The following STYXL1 variants were observed in gnomAD, a reference collection of about 807,000 sequenced individuals.
The protein encoded by STYXL1 is serine/threonine/tyrosine-interacting-like protein 1.
STYXL1 carries 32 observed loss-of-function variants against 36.4 expected under a neutral mutation model. That is an observed-to-expected ratio of 0.88 (90% CI 0.66 to 1.18). STYXL1 has a LOEUF of 1.18. STYXL1 is among the 50% of genes most tolerant of loss of function. STYXL1 has a pLI of 0.00. For synonymous variants in STYXL1, 133 were observed against 144.1 expected (o/e 0.92, Z 0.55); for missense variants, 354 against 394.1 (o/e 0.90, Z 0.86).
intron 4 of STYXL1, among the ~76,000 whole-genome samples, chr7:76,014,218 T>C (rs1792969884): frequency 6.6e-6 from 1 of 152,072 alleles, no homozygotes; most frequent in African/African-American, 2.4e-5. Context: ...CAGGTGATCC[T>C]TCAGCCTCGG....
At chr7:76,020,150 C>G (rs1793889201) in intron 4 of STYXL1, among the ~76,000 whole-genome samples, 1 of 152,166 alleles carries the variant, frequency 6.6e-6, no homozygotes, top group Non-Finnish European at 1.5e-5. Context: ...TGAGTACCAT[C>G]TCCTAGGGTT....
intron 3 of STYXL1, among the ~76,000 whole-genome samples, chr7:76,025,024 G>A (rs1794524278): frequency 6.6e-6 from 1 of 150,466 alleles, no homozygotes; most frequent in Non-Finnish European, 1.5e-5. Context: ...TGGGATACAT[G>A]TGCATCATAG....
At chr7:76,046,274 C>CTGTGTGTGTGTGTGTGTG (rs782245806) in intron 1 of STYXL1, among the ~76,000 whole-genome samples, 6 of 103,176 alleles carry the variant, frequency 5.8e-5, no homozygotes, top group South Asian at 3.7e-4. Flanking sequence ...AGCTTATCTG[C>CTGTGTGTGTGTGTGTGTG]TGTGTGTGTG....
chr7:76,043,416 C>G (rs542141203), intron 1 of STYXL1, among the ~76,000 whole-genome samples: 2 of 152,048 alleles, frequency 1.3e-5, no homozygotes, highest in Admixed American at 6.6e-5. Context: ...GCTGGGATTA[C>G]AGGCGTGAGT....
intron 8 of STYXL1, among the ~76,000 whole-genome samples, chr7:75,999,589 C>T (rs960698117): frequency 5.4e-5 from 8 of 147,588 alleles, no homozygotes; most frequent in African/African-American, 2.0e-4. Flanking sequence ...CTCTTGTCAC[C>T]CAGGCTGGAG....
intron 3 of STYXL1, among the ~76,000 whole-genome samples, chr7:76,025,001 A>C (rs549794274): frequency 7.2e-5 from 11 of 151,740 alleles, no homozygotes; most frequent in African/African-American, 2.4e-4. Flanking sequence ...GTTTTCAAAA[A>C]AAAGTTACAG....
At chr7:76,030,382 A>G (rs556261015) in intron 2 of STYXL1, 39 bp downstream of exon 2, 9 of 1,461,332 alleles carry the variant, frequency 6.2e-6, no homozygotes, top group East Asian at 4.5e-5. Flanking sequence ...TTTGAAGGAC[A>G]CTGTGTTTGA....
At chr7:76,016,506 CAT>C (rs1365476664) in intron 4 of STYXL1, among the ~76,000 whole-genome samples, 3 of 151,580 alleles carry the variant, frequency 2.0e-5, no homozygotes, top group Non-Finnish European at 2.9e-5. Flanking sequence ...AACACACACA[CAT>C]ATATATATCT....
At chr7:76,006,478 C>T (rs1366746347) in intron 5 of STYXL1, among the ~76,000 whole-genome samples, 4 of 152,022 alleles carry the variant, frequency 2.6e-5, no homozygotes, top group East Asian at 1.9e-4. Context: ...TTAAAACTTT[C>T]GTTTGCCGGG....
chr7:76,045,632 G>A (rs1438755574), intron 1 of STYXL1: 1 of 152,348 alleles, frequency 6.6e-6, no homozygotes, highest in Non-Finnish European at 1.5e-5. Context: ...GGAGGTGGAG[G>A]TTGCAGTGAG....
chr7:76,011,407 C>G (rs1331130823), intron 5 of STYXL1, among the ~76,000 whole-genome samples: 1 of 152,200 alleles, frequency 6.6e-6, no homozygotes, highest in Non-Finnish European at 1.5e-5. Context: ...ATAACCATAA[C>G]AATGTCACTA....
rs897962222 is a variant in STYXL1, at chr7:76,015,535, G to A, written c.308-1648C>T. The stretch of plus-strand genomic sequence containing the variant: ...ATTGACAAGTGGGACCTAAGGACAC[G>A]AAAGTGCTTCTGCACAGCAAGAAAA... On this transcript the variant is annotated intron_variant, in intron 4 of 8. Transcript: ENST00000359697. Among the ~76,000 whole-genome samples the A allele has an allele frequency of 8.5e-5, 13 of 152,264 alleles. No individual in the cohort carries two copies. In the East Asian group the frequency reaches 1.2e-3, roughly 14 times the overall value.
rs144232048 is a variant in STYXL1, at chr7:76,038,984, G to A, written c.-4-8457C>T. Among the ~76,000 whole-genome samples the A allele has an allele frequency of 9.7e-3, 1,294 of 132,952 alleles. 26 individuals are homozygous for A. The highest frequency in any genetic ancestry group is 0.016 in the South Asian group (69 of 4,382). The allele number at this position is 132,952 out of a possible 152,430, so 87.2% of individuals were successfully genotyped here. ...TTTTTTTGAGACGGAATCTTGCCCT[G>A]TTGCCTAGGCTGTACTGCAGTGGTG... On this transcript the variant is annotated intron_variant, in intron 1 of 8. Coordinates refer to ENST00000359697, the MANE Select transcript of STYXL1 (RefSeq NM_001317785.2).
rs112047676 is a variant in STYXL1, at chr7:76,026,261, G to A, written c.165+2381C>T. On this transcript the variant is annotated intron_variant, in intron 3 of 8. Coordinates refer to ENST00000359697, the MANE Select transcript of STYXL1 (RefSeq NM_001317785.2). ...GAGACAGGGTGTGGAAAAGTACAGC[G>A]GGAATGGGGAGGAAAGGGGAATTTT... is the stretch of plus-strand genomic sequence containing the variant. Among the ~76,000 whole-genome samples the A allele has an allele frequency of 4.9e-3, 708 of 144,922 alleles. 4 individuals carry two copies. Among genetic ancestry groups the A allele is most frequent in the South Asian group, 0.023 (105 of 4,568 alleles).
At chr7:76,022,146 G>A (rs1794158557) in intron 3 of STYXL1, among the ~76,000 whole-genome samples, 154 bp from the exon 4 acceptor site, 1 of 152,144 alleles carries the variant, frequency 6.6e-6, no homozygotes, top group African/African-American at 2.4e-5. Flanking sequence ...GACAGTGGAT[G>A]GAGAGTCTGT....
intron 4 of STYXL1, among the ~76,000 whole-genome samples, chr7:76,017,900 A>G (rs1793597002): frequency 6.7e-6 from 1 of 148,522 alleles, no homozygotes; most frequent in Non-Finnish European, 1.5e-5. Context: ...AGAAGAAAAA[A>G]GAAAAACTAC....
chr7:75,996,698 TGCCA>T (rs1790177609), intron 8 of STYXL1, 99 bp from the exon 9 acceptor site: 2 of 1,170,090 alleles, frequency 1.7e-6, no homozygotes, highest in Non-Finnish European at 2.5e-6. Flanking sequence ...ACTTGCACAG[TGCCA>T]GCAACACGGC....
intron 1 of STYXL1, among the ~76,000 whole-genome samples, chr7:76,031,229 A>C (rs1554579212): frequency 7.0e-6 from 1 of 142,174 alleles, no homozygotes; most frequent in Non-Finnish European, 1.5e-5. Flanking sequence ...TACTCGGGAG[A>C]CTGAGGCAAA....
intron 5 of STYXL1, among the ~76,000 whole-genome samples, chr7:76,006,785 A>AC (rs1413122861): frequency 6.6e-6 from 1 of 151,662 alleles, no homozygotes; most frequent in Admixed American, 6.6e-5. Flanking sequence ...AAAAAAAACA[A>AC]AACAACAACA....
Sources: gnomAD v4.1 joint callset for allele counts (sites outside exome capture counted in the v4.1 genomes callset) on GRCh38, gnomAD v4.1.1 for gene constraint, MANE v1.5 for transcripts, NCBI Gene and HGNC (gene_info 2026-07-23, HGNC 2026-07-21) for gene names.